VAV3: variants seen among roughly 807,000 people sequenced by gnomAD.
The protein encoded by VAV3 is vav guanine nucleotide exchange factor 3.
VAV3 carries 94 observed loss-of-function variants against 131.2 expected under a neutral mutation model. The ratio of observed to expected loss-of-function variants is 0.72; its 90% CI spans 0.61 to 0.85. The LOEUF is 0.85. VAV3 is among the 40% of genes least tolerant of loss of function. The probability of loss-of-function intolerance (pLI) is 0.00; values close to 1 mark genes in which losing one functional copy is unlikely to be tolerated. For missense variants in VAV3, 939 were observed against 1,002.7 expected, an observed-to-expected ratio of 0.94 and a Z score of 0.86; for synonymous variants, 349 against 342.0, an observed-to-expected ratio of 1.02 and a Z score of -0.22.
intron 10 of VAV3, among the ~76,000 whole-genome samples, chr1:107,758,232 T>A (rs548117988): frequency 2.0e-5 from 3 of 152,216 alleles, no homozygotes; most frequent in South Asian, 4.2e-4. Flanking sequence ...CTTGGAACCA[T>A]CCTCATTGCC....
intron 1 of VAV3, among the ~76,000 whole-genome samples, chr1:107,959,294 C>T (rs901031282): frequency 1.3e-5 from 2 of 151,838 alleles, no homozygotes; most frequent in South Asian, 2.1e-4. Context: ...AATTAATTAA[C>T]CCATATATTG....
chr1:107,602,325 T>C (rs1188628494), intron 24 of VAV3, 72 bp downstream of exon 24: 5 of 1,119,698 alleles, frequency 4.5e-6, no homozygotes, highest in Admixed American at 3.2e-5. Context: ...CAAGAAACTA[T>C]AGAATTAAAA....
At chr1:107,732,936 C>A (rs1046145224) in intron 15 of VAV3, among the ~76,000 whole-genome samples, 6 of 152,190 alleles carry the variant, frequency 3.9e-5, no homozygotes, top group Non-Finnish European at 8.8e-5. Flanking sequence ...CCCCATGTAG[C>A]CTAACTGGGA....
Position 107,613,897 on chromosome 1 carries a change from C to T in VAV3, c.1980+3670G>A, listed in dbSNP as rs1171225942. Among the ~76,000 whole-genome samples, 8 of 152,082 alleles carry T rather than the reference C, an allele frequency of 5.3e-5. 1 individual carries two copies. The highest frequency in any genetic ancestry group is 1.9e-4 in the African/African-American group (8 of 41,412). On this transcript the variant is annotated intron_variant, in intron 21 of 26. Coordinates refer to ENST00000370056, the MANE Select transcript of VAV3 (RefSeq NM_006113.5). ...TTTGAGACGGAGTCTCGCTCTGTCA[C>T]CCAGACTGGAGTGCAGTGGAATAAT...
At chr1:107,741,649 T>TAC (rs1361941398) in intron 15 of VAV3, among the ~76,000 whole-genome samples, 1 of 151,770 alleles carries the variant, frequency 6.6e-6, no homozygotes, top group East Asian at 1.9e-4. Flanking sequence ...AAAAAATATA[T>TAC]ACACACACAC....
intron 9 of VAV3, among the ~76,000 whole-genome samples, chr1:107,763,728 G>A (rs1237117369): frequency 1.3e-5 from 2 of 152,142 alleles, no homozygotes; most frequent in Non-Finnish European, 2.9e-5. Flanking sequence ...CACGTATCTA[G>A]TACAGTTACT....
intron 25 of VAV3, among the ~76,000 whole-genome samples, chr1:107,584,692 GTAACAAGGAAAAC>G: frequency 6.6e-6 from 1 of 152,216 alleles, no homozygotes; most frequent in South Asian, 2.1e-4. Flanking sequence ...GTCCAAAGCT[GTAACAAGGAAAAC>G]TTATGTCTAG....
In VAV3 at chr1:107,768,487, C is replaced by A. The variant is rs1459473835; in HGVS notation, c.671G>T (p.Arg224Ile). ...ATCAAATTCTGCTGCTGTCAGAAAT[C>A]TTTTTAGTGGTGCCATGAAATACTA... is the stretch of plus-strand genomic sequence containing the variant. Reference protein sequence around the residue: ...IEKYFMAPLKRFLTAAEFDSV... With the variant: ...IEKYFMAPLKIFLTAAEFDSV... Residue 224 changes from arginine to isoleucine, a missense_variant, in exon 7 of 27, where the codon AGA becomes ATA. Coordinates refer to ENST00000370056, the MANE Select transcript of VAV3 (RefSeq NM_006113.5). The A allele has an allele frequency of 6.2e-7, 1 of 1,612,398 alleles. No individual in the cohort carries two copies. The highest frequency in any genetic ancestry group is 2.2e-5 in the East Asian group (1 of 44,702).
chr1:107,621,451 G>A (rs1369529024), intron 20 of VAV3, among the ~76,000 whole-genome samples: 1 of 152,074 alleles, frequency 6.6e-6, no homozygotes, highest in African/African-American at 2.4e-5. Flanking sequence ...GTGGATGTGT[G>A]TGGGATGTAC....
intron 9 of VAV3, among the ~76,000 whole-genome samples, chr1:107,763,463 C>A (rs1005709758): frequency 6.6e-6 from 1 of 152,150 alleles, no homozygotes; most frequent in African/African-American, 2.4e-5. Context: ...AATTTTATAT[C>A]TTTATTTTAA....
At position 107,922,794 on chromosome 1, in the gene VAV3, T is replaced by C. The variant is rs1411537097; in HGVS notation, c.204+41872A>G. On this transcript the variant is annotated intron_variant, in intron 1 of 26. Transcript: ENST00000370056. ...AGTGAAACCCCGCCTCTACTAAAAATACAAAAAATTAGCCGGGCGTGGTGG... is the reference window on the plus strand; with the variant it reads ...AGTGAAACCCCGCCTCTACTAAAAACACAAAAAATTAGCCGGGCGTGGTGG... Among the ~76,000 whole-genome samples the C allele has an allele frequency of 4.0e-5, 6 of 150,668 alleles. No individual in the cohort carries two copies. The South Asian group carries it at 1.3e-3, about 32-fold the overall frequency.
intron 1 of VAV3, among the ~76,000 whole-genome samples, chr1:107,879,206 A>G (rs1280810318): frequency 3.9e-5 from 6 of 152,138 alleles, no homozygotes; most frequent in Admixed American, 1.3e-4. Flanking sequence ...GGAATCAGCC[A>G]TTTCTCCAAA....
At chr1:107,612,826 A>C (rs913900201) in intron 21 of VAV3, among the ~76,000 whole-genome samples, 27 of 151,796 alleles carry the variant, frequency 1.8e-4, no homozygotes, top group Admixed American at 1.4e-3. Context: ...CTTTAAACTC[A>C]CTCCATAATC....
chr1:107,805,197 C>A (rs1441396375), intron 2 of VAV3, among the ~76,000 whole-genome samples: 1 of 152,086 alleles, frequency 6.6e-6, no homozygotes, highest in Non-Finnish European at 1.5e-5. Context: ...CTAAATTTAC[C>A]TCTTTCTCAA....
At chr1:107,675,796 T>G (rs994013448) in intron 19 of VAV3, among the ~76,000 whole-genome samples, 2 of 152,174 alleles carry the variant, frequency 1.3e-5, no homozygotes, top group African/African-American at 4.8e-5. Flanking sequence ...GAAAAAAGGA[T>G]GATCACTGTC....
At chr1:107,743,435 T>G (rs1663140812) in intron 15 of VAV3, among the ~76,000 whole-genome samples, 1 of 152,202 alleles carries the variant, frequency 6.6e-6, no homozygotes, top group Admixed American at 6.5e-5. Flanking sequence ...ATGTTGATCC[T>G]TAAGTAAATG....
rs78951840 is a variant in VAV3, at chr1:107,791,689, T to A, written c.322-12197A>T. Among the ~76,000 whole-genome samples the A allele has an allele frequency of 3.1e-3, 472 of 152,310 alleles. 2 individuals are homozygous for A. The highest frequency in any genetic ancestry group is 0.011 in the African/African-American group (439 of 41,554). On this transcript the variant is annotated intron_variant, in intron 2 of 26. Coordinates refer to ENST00000370056, the MANE Select transcript of VAV3 (RefSeq NM_006113.5). The stretch of plus-strand genomic sequence containing the variant: ...TTAAAGCTTTCCAGTGATTCTAGTA[T>A]GCAGCCAGGGTTGAAAATCACAGGC...
At chr1:107,835,007 T>C (rs951023288) in intron 2 of VAV3, among the ~76,000 whole-genome samples, 1 of 152,046 alleles carries the variant, frequency 6.6e-6, no homozygotes, top group Non-Finnish European at 1.5e-5. Context: ...GTTTTACACA[T>C]AGGGCAGCTA....
rs11294561 is a variant in VAV3 at position 107,597,226 on chromosome 1, T to TA, written c.2221-886dup. On this transcript the variant is annotated intron_variant, in intron 24 of 26. Coordinates refer to ENST00000370056, the MANE Select transcript of VAV3 (RefSeq NM_006113.5). Reference sequence around the variant, plus strand: ...GGAGCGCCTTTTTAAAAATAAAAAATAAAAAAAAAAAAACAGAAAAAAAAA... The same window carrying TA: ...GGAGCGCCTTTTTAAAAATAAAAAATAAAAAAAAAAAAAACAGAAAAAAAAA... Among the ~76,000 whole-genome samples, 477 of 137,998 alleles carry TA rather than the reference T, an allele frequency of 3.5e-3. 3 individuals carry two copies. The highest frequency in any genetic ancestry group is 0.013 in the East Asian group (60 of 4,750). 90.5% of individuals were successfully genotyped at this position (137,998 alleles called of 152,430 possible).
Sources: allele counts gnomAD v4.1 joint callset (sites outside exome capture counted in the v4.1 genomes callset), GRCh38; gene constraint gnomAD v4.1.1; transcripts MANE v1.5; gene names NCBI Gene and HGNC (gene_info 2026-07-23, HGNC 2026-07-21).